PTPDC1: variants seen among roughly 807,000 people sequenced by gnomAD.
The protein encoded by PTPDC1 is protein tyrosine phosphatase domain containing 1, also known as protein tyrosine phosphatase domain-containing protein 1.
Under a neutral mutation model 75.3 loss-of-function variants are expected in PTPDC1, and 53 were observed. The observed-to-expected ratio is 0.70, with a 90% CI of 0.56 to 0.88. PTPDC1 has a LOEUF of 0.88. Among genes scored for constraint, PTPDC1 ranks in the 40% least tolerant of loss-of-function variants. PTPDC1 has a pLI of 0.00. For synonymous variants in PTPDC1, 349 were observed against 366.2 expected, an observed-to-expected ratio of 0.95 and a Z score of 0.54; for missense variants, 925 against 998.6, an observed-to-expected ratio of 0.93 and a Z score of 0.99.
rs541480389 is a variant in PTPDC1, at chr9:94,089,203, A to G, written c.616+940A>G. ...ACTAACTCGTCATCTAGCATTAGGT[A>G]TATCTCCCAATGCTATCCCTCCCCC... On this transcript the variant is annotated intron_variant, in intron 4 of 8. Coordinates refer to ENST00000620992, the MANE Select transcript of PTPDC1 (RefSeq NM_001253829.2). 8.2e-4 allele frequency among the ~76,000 whole-genome samples: 116 copies of G among 141,146 alleles called. 2 individuals carry two copies. The highest frequency in any genetic ancestry group is 2.6e-3 in the African/African-American group (99 of 38,120). 92.6% of individuals were successfully genotyped at this position (141,146 alleles called of 152,430 possible).
intron 2 of PTPDC1, among the ~76,000 whole-genome samples, chr9:94,076,118 A>G (rs1744826142): frequency 6.6e-6 from 1 of 152,110 alleles, no homozygotes; most frequent in Non-Finnish European, 1.5e-5. Context: ...CTTCTGCCTC[A>G]GCCTCTCAAG....
At chr9:94,034,580 A>G (rs1825204469) in intron 1 of PTPDC1, among the ~76,000 whole-genome samples, 2 of 152,188 alleles carry the variant, frequency 1.3e-5, no homozygotes, top group African/African-American at 4.8e-5. Flanking sequence ...AAGGAAAATA[A>G]ATGAGAACAC....
At chr9:94,081,637 T>C (rs2117955560), upstream of PTPDC1, among the ~76,000 whole-genome samples, 1 of 152,294 alleles carries the variant, frequency 6.6e-6, no homozygotes, top group South Asian at 2.1e-4. Context: ...TCGGAGGCCT[T>C]AGCAAGAGTG....
intron 1 of PTPDC1, among the ~76,000 whole-genome samples, chr9:94,042,653 C>G (rs1300111729): frequency 1.3e-5 from 2 of 152,192 alleles, no homozygotes; most frequent in Non-Finnish European, 2.9e-5. Flanking sequence ...TCGGGATAGA[C>G]TTCTGCTGAA....
At chr9:94,041,703 C>T (rs1042759781) in intron 1 of PTPDC1, among the ~76,000 whole-genome samples, 1 of 152,182 alleles carries the variant, frequency 6.6e-6, no homozygotes, top group Non-Finnish European at 1.5e-5. Context: ...ATCTTTTTGA[C>T]ATTCTCATCA....
At chr9:94,036,466 A>G (rs1290349157) in intron 1 of PTPDC1, among the ~76,000 whole-genome samples, 2 of 151,986 alleles carry the variant, frequency 1.3e-5, no homozygotes, top group African/African-American at 4.8e-5. Flanking sequence ...TTTCCCCATC[A>G]TGTACTCTTG....
chr9:94,093,087 T>G (rs1268009585), intron 4 of PTPDC1, among the ~76,000 whole-genome samples: 1 of 152,210 alleles, frequency 6.6e-6, no homozygotes, highest in Non-Finnish European at 1.5e-5. Context: ...CATTTACATT[T>G]AAAGATAATA....
At chr9:94,086,886 T>A (rs1827091028) in intron 2 of PTPDC1, among the ~76,000 whole-genome samples, 1 of 152,228 alleles carries the variant, frequency 6.6e-6, no homozygotes, top group Admixed American at 6.5e-5. Context: ...CCCAACTGAC[T>A]CTGGAGCCCA....
intron 4 of PTPDC1, among the ~76,000 whole-genome samples, chr9:94,089,659 C>G: frequency 7.0e-6 from 1 of 142,246 alleles, no homozygotes; most frequent in Admixed American, 7.0e-5. Flanking sequence ...GCCACACTGA[C>G]TTCCACAATG....
At chr9:94,100,200 C>G (rs910914836) in intron 6 of PTPDC1, 2 of 152,312 alleles carry the variant, frequency 1.3e-5, no homozygotes, top group African/African-American at 4.8e-5. Flanking sequence ...AAGTGACTTG[C>G]TCAGGGTCAC....
chr9:94,037,062 A>T (rs1383304356), intron 1 of PTPDC1, among the ~76,000 whole-genome samples: 1 of 152,238 alleles, frequency 6.6e-6, no homozygotes, highest in Non-Finnish European at 1.5e-5. Flanking sequence ...ATGCTTAAGA[A>T]GATCTAGGTA....
At chr9:94,038,262 G>A (rs1431734816) in intron 1 of PTPDC1, 16 of 886,256 alleles carry the variant, frequency 1.8e-5, no homozygotes, top group Non-Finnish European at 3.0e-5. Flanking sequence ...TACATCCCTG[G>A]AACAAAAATG....
intron 6 of PTPDC1, among the ~76,000 whole-genome samples, chr9:94,099,806 A>G (rs1827772419): frequency 1.3e-5 from 2 of 152,226 alleles, no homozygotes; most frequent in South Asian, 2.1e-4. Context: ...GTGCCCATGC[A>G]AGCTCTGCTG....
At chr9:94,087,939 T>C in intron 3 of PTPDC1, 28 bp downstream of exon 3, 1 of 1,584,520 alleles carries the variant, frequency 6.3e-7, no homozygotes, top group Non-Finnish European at 8.7e-7. Context: ...CACACACGAG[T>C]GAGCAAACTC....
rs374267247 is a variant in PTPDC1 at position 94,098,480 on chromosome 9, G to A, written c.1914G>A (p.Leu638=). 2 of 1,614,156 alleles carry A rather than the reference G, an allele frequency of 1.2e-6. No individual in the cohort carries two copies. Among genetic ancestry groups the A allele is most frequent in the Non-Finnish European group, 1.7e-6 (2 of 1,180,008 alleles). The change falls in exon 6 of 9, where the codon TTG becomes TTA. Residue 638 remains leucine (L), a synonymous_variant. Transcript: ENST00000620992. ...CACACTCTGCATTACAGTCTGAATT[G>A]AGTGCTGAGGCAAGAAGAATACTGG... The part of the protein sequence containing the change: ...AASHSALQSE[L]SAEARRILAA...
intron 2 of PTPDC1, among the ~76,000 whole-genome samples, chr9:94,066,328 A>G (rs1034814356): frequency 2.0e-5 from 3 of 152,188 alleles, no homozygotes; most frequent in African/African-American, 7.2e-5. Flanking sequence ...CATCTGCTTT[A>G]TAGCTAATTT....
intron 2 of PTPDC1, among the ~76,000 whole-genome samples, chr9:94,068,241 G>A (rs1173578618): frequency 6.6e-6 from 1 of 152,090 alleles, no homozygotes; most frequent in Non-Finnish European, 1.5e-5. Flanking sequence ...CCTACATTCT[G>A]TTCACTCAGA....
At chr9:94,058,908 T>C (rs981537572) in intron 1 of PTPDC1, among the ~76,000 whole-genome samples, 5 of 150,668 alleles carry the variant, frequency 3.3e-5, no homozygotes, top group African/African-American at 4.9e-5. Context: ...GCAGAATCAC[T>C]TGAACCCAGG....
upstream of PTPDC1, among the ~76,000 whole-genome samples, chr9:94,083,436 G>GGT (rs1412716472): frequency 5.3e-5 from 8 of 151,608 alleles, no homozygotes; most frequent in South Asian, 2.1e-4. Flanking sequence ...AAAGGAGCTT[G>GGT]GTATAGCATT....
Sources: gnomAD v4.1 joint callset for allele counts (sites outside exome capture counted in the v4.1 genomes callset) on GRCh38, gnomAD v4.1.1 for gene constraint, MANE v1.5 for transcripts, NCBI Gene and HGNC (gene_info 2026-07-23, HGNC 2026-07-21) for gene names.